The following CLNK variants were observed in gnomAD, a reference collection of about 807,000 sequenced individuals.
CLNK encodes the protein cytokine dependent hematopoietic cell linker.
Under a neutral mutation model 68.6 loss-of-function variants are expected in CLNK, and 74 were observed. The observed-to-expected ratio is 1.08, with a 90% CI of 0.89 to 1.31. The LOEUF is 1.31. CLNK is among the 50% of genes most tolerant of loss of function. The pLI is 0.00. For synonymous variants in CLNK, 198 were observed against 172.2 expected, an observed-to-expected ratio of 1.15 and a Z score of -1.17; for missense variants, 553 against 515.3, an observed-to-expected ratio of 1.07 and a Z score of -0.71.
At chr4:10,611,562 G>C (rs900458122) in intron 2 of CLNK, among the ~76,000 whole-genome samples, 44 of 151,124 alleles carry the variant, frequency 2.9e-4, no homozygotes, top group Non-Finnish European at 3.7e-4. Context: ...GGGGCCTCCC[G>C]TGAGTGCCAG....
At chr4:10,536,485 A>G (rs1287739894) in intron 11 of CLNK, among the ~76,000 whole-genome samples, 2 of 152,214 alleles carry the variant, frequency 1.3e-5, no homozygotes, top group African/African-American at 4.8e-5. Flanking sequence ...TGGTATCCCC[A>G]GTGTCTCCTA....
intron 2 of CLNK, among the ~76,000 whole-genome samples, chr4:10,655,334 C>CAGAGAGAGAGAGAGAGAGAGAG (rs148877353): frequency 6.1e-4 from 83 of 135,392 alleles, no homozygotes; most frequent in Admixed American, 4.6e-3. Context: ...CCCCCAAAGA[C>CAGAGAGAGAGAGAGAGAGAGAG]AGAGAGAGAG....
chr4:10,686,857 A>AT (rs1169382619), upstream of CLNK, among the ~76,000 whole-genome samples: 1 of 152,106 alleles, frequency 6.6e-6, no homozygotes, highest in African/African-American at 2.4e-5. Flanking sequence ...ATTGAAGACA[A>AT]TTTGGTTTAA....
chr4:10,698,479 T>C, the CLNK span, among the ~76,000 whole-genome samples: 1 of 152,174 alleles, frequency 6.6e-6, no homozygotes, highest in Non-Finnish European at 1.5e-5. Flanking sequence ...ACAATATATA[T>C]AAAACAGGTT....
chr4:10,625,084 T>C (rs1486688020), intron 2 of CLNK, among the ~76,000 whole-genome samples: 2 of 152,224 alleles, frequency 1.3e-5, no homozygotes, highest in East Asian at 3.8e-4. Context: ...TTCCCAAAGC[T>C]GCAGGCAAGC....
intron 17 of CLNK, among the ~76,000 whole-genome samples, chr4:10,504,697 A>T (rs1717215735): frequency 6.6e-6 from 1 of 152,248 alleles, no homozygotes; most frequent in Admixed American, 6.5e-5. Flanking sequence ...GCCAAAGATC[A>T]GAAGGAGAGA....
At chr4:10,502,760 G>A (rs888614122) in intron 17 of CLNK, among the ~76,000 whole-genome samples, 2 of 152,024 alleles carry the variant, frequency 1.3e-5, no homozygotes, top group South Asian at 2.1e-4. Context: ...GGCCCTTTAC[G>A]GGAGGAGGAA....
chr4:10,634,673 C>A (rs549674913), intron 2 of CLNK, among the ~76,000 whole-genome samples: 5 of 152,310 alleles, frequency 3.3e-5, no homozygotes, highest in Middle Eastern at 3.4e-3. Flanking sequence ...AGTCTAACTT[C>A]GGTGTTTTGA....
At chr4:10,537,279 A>G (rs1353748971) in intron 11 of CLNK, among the ~76,000 whole-genome samples, 2 of 152,178 alleles carry the variant, frequency 1.3e-5, no homozygotes, top group Non-Finnish European at 2.9e-5. Flanking sequence ...GGAGTTCGAG[A>G]CCAGCCTGAC....
intron 2 of CLNK, among the ~76,000 whole-genome samples, chr4:10,612,371 G>T (rs977526836): frequency 6.6e-6 from 1 of 152,218 alleles, no homozygotes; most frequent in Non-Finnish European, 1.5e-5. Context: ...ATTGGCCTGT[G>T]AAAGATCCCA....
chr4:10,623,813 A>T (rs1291500004), intron 2 of CLNK, among the ~76,000 whole-genome samples: 1 of 152,256 alleles, frequency 6.6e-6, no homozygotes. Context: ...CATTTGCTAC[A>T]GAAGGAGAAC....
the CLNK span, among the ~76,000 whole-genome samples, chr4:10,706,944 G>A: frequency 6.6e-6 from 1 of 152,238 alleles, no homozygotes; most frequent in Admixed American, 6.5e-5. Flanking sequence ...CCCTTTTGGT[G>A]TTTAGGCATG....
rs570108878 is a variant in CLNK, at chr4:10,498,569, T to C, written c.1140+2687A>G. 5.3e-5 allele frequency among the ~76,000 whole-genome samples: 8 copies of C among 152,028 alleles called. No individual in the cohort carries two copies. The East Asian group carries it at 7.8e-4, about 15-fold the overall frequency. On this transcript the variant is annotated intron_variant, in intron 18 of 18. Transcript: ENST00000226951. ...AGAAATTCTATAAGCTGAGAGAAGA[T>C]ATAGAAGGATAAAGGGACACTGAAC...
At chr4:10,714,711 T>TGC in the CLNK span, among the ~76,000 whole-genome samples, 40 of 150,668 alleles carry the variant, frequency 2.7e-4, no homozygotes, top group Admixed American at 5.3e-4. Flanking sequence ...TGTGTGTGTG[T>TGC]GCGTGTGAGT....
intron 8 of CLNK, among the ~76,000 whole-genome samples, chr4:10,552,958 G>T (rs1447362423): frequency 1.3e-5 from 2 of 152,020 alleles, no homozygotes; most frequent in African/African-American, 2.4e-5. Context: ...TTCACATTGT[G>T]ATGTAGGATA....
At chr4:10,715,470 G>T in the CLNK span, among the ~76,000 whole-genome samples, 3 of 152,194 alleles carry the variant, frequency 2.0e-5, no homozygotes, top group Non-Finnish European at 4.4e-5. Context: ...TTGCCACAAT[G>T]TTGCAAAGTG....
intron 3 of CLNK, among the ~76,000 whole-genome samples, chr4:10,589,569 A>G (rs1721111249): frequency 6.6e-6 from 1 of 152,144 alleles, no homozygotes; most frequent in Non-Finnish European, 1.5e-5. Flanking sequence ...ATTCCAGCTG[A>G]GCCTGCTGCT....
At chr4:10,680,752 CAG>C (rs1470982220) in intron 1 of CLNK, among the ~76,000 whole-genome samples, 1 of 152,078 alleles carries the variant, frequency 6.6e-6, no homozygotes, top group African/African-American at 2.4e-5. Flanking sequence ...AAAGGATAAA[CAG>C]AGGTTCTGAG....
chr4:10,654,865 G>T (rs184419468), intron 2 of CLNK, among the ~76,000 whole-genome samples: 1 of 152,178 alleles, frequency 6.6e-6, no homozygotes, highest in African/African-American at 2.4e-5. Flanking sequence ...CGCTTTGGGA[G>T]GCCGAGGCGG....
Sources: allele counts gnomAD v4.1 joint callset (sites outside exome capture counted in the v4.1 genomes callset), GRCh38; gene constraint gnomAD v4.1.1; transcripts MANE v1.5; gene names NCBI Gene and HGNC (gene_info 2026-07-23, HGNC 2026-07-21).